WASF1: variants seen among roughly 807,000 people sequenced by gnomAD.
WASF1 encodes the protein actin-binding protein WASF1.
WASF1 carries 7 observed loss-of-function variants against 50.5 expected under a neutral mutation model. The ratio of observed to expected loss-of-function variants is 0.14; its 90% CI spans 0.08 to 0.26. The LOEUF (loss-of-function observed/expected upper bound fraction) is 0.26. WASF1 is among the 10% of genes least tolerant of loss of function. The pLI is 1.00. For synonymous variants in WASF1, 205 were observed against 244.0 expected, an observed-to-expected ratio of 0.84 and a Z score of 1.49; for missense variants, 470 against 694.7, an observed-to-expected ratio of 0.68 and a Z score of 3.64.
chr6:110,113,848 C>A (rs529889190), intron 4 of WASF1, among the ~76,000 whole-genome samples: 1 of 149,136 alleles, frequency 6.7e-6, no homozygotes, highest in Non-Finnish European at 1.5e-5. Context: ...ACTATTTTAT[C>A]ATTTACTACC....
rs189117806 is a variant in WASF1, at chr6:110,116,321, C to T, written c.134-2861G>A. Among the ~76,000 whole-genome samples the T allele has an allele frequency of 1.8e-3, 277 of 152,312 alleles. 2 individuals carry two copies. Among genetic ancestry groups the T allele is most frequent in the African/African-American group, 6.4e-3 (266 of 41,578 alleles). The stretch of plus-strand genomic sequence containing the variant: ...ACTCTACCTGGAGAAACAGTACACT[C>T]CTGATCAAATACTATATGCTTTTCC... On this transcript the variant is annotated intron_variant, in intron 4 of 10. Coordinates refer to ENST00000392589, the MANE Select transcript of WASF1 (RefSeq NM_003931.3).
At chr6:110,115,487 C>T (rs919141317) in intron 4 of WASF1, among the ~76,000 whole-genome samples, 3 of 152,200 alleles carry the variant, frequency 2.0e-5, no homozygotes, top group Admixed American at 2.0e-4. Flanking sequence ...AAGTACCTTG[C>T]CAGTAAGGGA....
At chr6:110,154,899 G>T (rs1775991692) in intron 3 of WASF1, among the ~76,000 whole-genome samples, 1 of 151,994 alleles carries the variant, frequency 6.6e-6, no homozygotes, top group African/African-American at 2.4e-5. Context: ...AGTTGTCCTT[G>T]GTGAAAGTCA....
intron 9 of WASF1, among the ~76,000 whole-genome samples, chr6:110,102,875 A>T (rs911058508): frequency 6.6e-6 from 1 of 152,208 alleles, no homozygotes; most frequent in African/African-American, 2.4e-5. Flanking sequence ...TTACTGAAAG[A>T]TTATTATAAG....
At chr6:110,114,782 T>C (rs1773720688) in intron 4 of WASF1, among the ~76,000 whole-genome samples, 1 of 150,378 alleles carries the variant, frequency 6.6e-6, no homozygotes, top group Admixed American at 6.6e-5. Flanking sequence ...ATAATTAGTT[T>C]CCATGTATGC....
intron 4 of WASF1, among the ~76,000 whole-genome samples, chr6:110,122,794 A>G (rs1376030956): frequency 6.6e-6 from 1 of 152,168 alleles, no homozygotes; most frequent in East Asian, 1.9e-4. Flanking sequence ...GCTTCTGGTC[A>G]ATAGTAGGCT....
At chr6:110,154,808 T>C (rs1277794297) in intron 3 of WASF1, among the ~76,000 whole-genome samples, 1 of 152,062 alleles carries the variant, frequency 6.6e-6, no homozygotes, top group African/African-American at 2.4e-5. Context: ...TATAACTTTA[T>C]TGTACTAAAA....
In WASF1 at chr6:110,102,913, T is replaced by C. The variant is rs550435343; in HGVS notation, c.893+465A>G. Among the ~76,000 whole-genome samples, 26 of 152,374 alleles carry C rather than the reference T, an allele frequency of 1.7e-4. No individual in the cohort carries two copies. In the South Asian group the frequency reaches 3.5e-3, roughly 21 times the overall value. On this transcript the variant is annotated intron_variant, in intron 9 of 10. Transcript: ENST00000392589. ...ACTGCCAATCCTCTCTGAAATTCTT[T>C]AAGTATTTTCCTTAATACCAAATTA...
Position 110,176,883 on chromosome 6 carries a change from A to G in WASF1, c.-127+1715T>C, listed in dbSNP as rs116205317. Among the ~76,000 whole-genome samples, 432 of 152,240 alleles carry G rather than the reference A, an allele frequency of 2.8e-3. 2 individuals carry two copies. Among genetic ancestry groups the G allele is most frequent in the African/African-American group, 9.9e-3 (411 of 41,590 alleles). Reference sequence around the variant, plus strand: ...TAAACACACTTTAATAGTCTTATCTATATGAAGTTTTCTCACAAAGTAACC... The same window carrying G: ...TAAACACACTTTAATAGTCTTATCTGTATGAAGTTTTCTCACAAAGTAACC... On this transcript the variant is annotated intron_variant, in intron 2 of 10. Transcript: ENST00000392589.
At chr6:110,135,094 G>C (rs1268460319) in intron 3 of WASF1, among the ~76,000 whole-genome samples, 3 of 152,054 alleles carry the variant, frequency 2.0e-5, no homozygotes, top group African/African-American at 7.2e-5. Context: ...TCCTTGGTTA[G>C]GTATATTTCT....
chr6:110,103,220 T>C (rs1404295803), intron 9 of WASF1, among the ~76,000 whole-genome samples, 158 bp downstream of exon 9: 1 of 152,238 alleles, frequency 6.6e-6, no homozygotes, highest in African/African-American at 2.4e-5. Context: ...CATTTGTTTA[T>C]GTATATTCTA....
chr6:110,125,094 A>C (rs969492985), intron 4 of WASF1, among the ~76,000 whole-genome samples: 1 of 152,232 alleles, frequency 6.6e-6, no homozygotes, highest in African/African-American at 2.4e-5. Context: ...AAGTTTTCTA[A>C]GTAATTCAGA....
intron 2 of WASF1, among the ~76,000 whole-genome samples, chr6:110,168,506 G>T (rs577093873): frequency 1.9e-4 from 29 of 152,176 alleles, no homozygotes; most frequent in African/African-American, 6.5e-4. Flanking sequence ...CAAGCAAGAA[G>T]AATACATTTT....
At chr6:110,162,116 C>G (rs1584023455) in intron 2 of WASF1, among the ~76,000 whole-genome samples, 1 of 151,408 alleles carries the variant, frequency 6.6e-6, no homozygotes, top group East Asian at 1.9e-4. Context: ...ATTCAATGTA[C>G]TTTTCAAAGA....
intron 6 of WASF1, among the ~76,000 whole-genome samples, chr6:110,107,989 C>T (rs149596132): frequency 0.013 from 1,918 of 151,818 alleles, 47 homozygotes; most frequent in African/African-American, 0.045. Flanking sequence ...CAGTGAAACC[C>T]CATCTCTACT....
intron 4 of WASF1, among the ~76,000 whole-genome samples, chr6:110,114,106 G>A (rs559754655): frequency 1.3e-5 from 2 of 152,250 alleles, no homozygotes; most frequent in East Asian, 3.9e-4. Context: ...GTTAGCTCTA[G>A]TGTTGTTACT....
At chr6:110,179,384 C>T (rs771662034) in intron 1 of WASF1, 55 bp downstream of exon 1, 100 of 152,832 alleles carry the variant, frequency 6.5e-4, no homozygotes, top group Non-Finnish European at 1.3e-3. Flanking sequence ...AGGAAGAGTT[C>T]CTCTCCCAAC....
At chr6:110,110,466 T>C (rs903900351) in intron 5 of WASF1, among the ~76,000 whole-genome samples, 1 of 152,228 alleles carries the variant, frequency 6.6e-6, no homozygotes, top group African/African-American at 2.4e-5. Flanking sequence ...TGAAACCTAG[T>C]GTTTAATCTC....
At position 110,164,338 on chromosome 6, in the gene WASF1, C is replaced by T. The variant is rs1437515578; in HGVS notation, c.-126-3606G>A. ...TGTTATTCAGAATATACAAAAAACT[C>T]TTGAAATTCAACAAGAAAATGAACA... On this transcript the variant is annotated intron_variant, in intron 2 of 10. Transcript: ENST00000392589. Among the ~76,000 whole-genome samples the T allele has an allele frequency of 3.3e-5, 5 of 151,558 alleles. No homozygotes were observed. In the East Asian group the frequency reaches 9.7e-4, roughly 29 times the overall value.
Sources: gnomAD v4.1 joint callset for allele counts (sites outside exome capture counted in the v4.1 genomes callset) on GRCh38, gnomAD v4.1.1 for gene constraint, MANE v1.5 for transcripts, NCBI Gene and HGNC (gene_info 2026-07-23, HGNC 2026-07-21) for gene names.